Variants in TGIF1 observed in about 807,000 individuals in gnomAD.
The protein encoded by TGIF1 is homeobox protein TGIF1.
TGIF1 carries 4 observed loss-of-function variants against 19.3 expected under a neutral mutation model. The observed-to-expected ratio is 0.21, with a 90% CI of 0.10 to 0.47. TGIF1 has a LOEUF of 0.47. Ranked by LOEUF, TGIF1 falls within the 20% of genes least tolerant of loss-of-function variation. The pLI is 0.98. For synonymous variants in TGIF1, 122 were observed against 129.3 expected (o/e 0.94, Z 0.38); for missense variants, 275 against 341.4 (o/e 0.81, Z 1.53).
At chr18:3,428,276 G>A (rs551082064) in intron 2 of TGIF1, among the ~76,000 whole-genome samples, 21 of 152,244 alleles carry the variant, frequency 1.4e-4, no homozygotes, top group Middle Eastern at 3.4e-3. Flanking sequence ...TTACTATTCT[G>A]TGTGACCAAA....
chr18:3,417,013 CG>C (rs2082341450), intron 1 of TGIF1, among the ~76,000 whole-genome samples: 1 of 151,960 alleles, frequency 6.6e-6, no homozygotes, highest in Non-Finnish European at 1.5e-5. Flanking sequence ...AAATCTCACT[CG>C]GAATTTATCA....
intron 1 of TGIF1, among the ~76,000 whole-genome samples, chr18:3,452,573 T>G (rs1438218681): frequency 6.6e-6 from 1 of 151,992 alleles, no homozygotes; most frequent in Non-Finnish European, 1.5e-5. Context: ...CCTTTGCTTG[T>G]GCTAACTCGT....
At chr18:3,425,948 G>A (rs1451394830) in intron 2 of TGIF1, among the ~76,000 whole-genome samples, 6 of 152,072 alleles carry the variant, frequency 3.9e-5, no homozygotes, top group South Asian at 4.2e-4. Context: ...CAGGAAACCC[G>A]CACCATCCCC....
upstream of TGIF1, chr18:3,447,572 T>C (rs1003238208): frequency 3.8e-6 from 3 of 779,520 alleles, no homozygotes; most frequent in African/African-American, 5.1e-5. Flanking sequence ...CTTCCCAGAA[T>C]GCACCAAGAA....
intron 2 of TGIF1, among the ~76,000 whole-genome samples, chr18:3,423,880 C>T (rs2082437881): frequency 6.6e-6 from 1 of 152,018 alleles, no homozygotes; most frequent in Non-Finnish European, 1.5e-5. Flanking sequence ...AAAAAAGGCA[C>T]ACCTGCCCTC....
chr18:3,452,292 C>T, intron 1 of TGIF1: 1 of 1,611,846 alleles, frequency 6.2e-7, no homozygotes, highest in Non-Finnish European at 8.5e-7. Context: ...GGCTGGGCCC[C>T]GCCGGCCGCA....
chr18:3,452,099 C>A (rs373318303), intron 1 of TGIF1: 1 of 1,613,900 alleles, frequency 6.2e-7, no homozygotes, highest in Non-Finnish European at 8.5e-7. Flanking sequence ...ATCCCCAGTG[C>A]TCCTTTTCCA....
Position 3,457,862 on chromosome 18 carries a change from C to A in TGIF1, c.741C>A (p.Phe247Leu). ...CTCCACCGGACCTCAACCAGGACTT[C>A]AGTGGATTTCAGCTTCTAGTGGATG... Reference protein sequence around the residue: ...PPTPPDLNQDFSGFQLLVDVA... With the variant: ...PPTPPDLNQDLSGFQLLVDVA... The change falls in exon 3 of 3, where the codon TTC (phenylalanine) becomes TTA (leucine). Residue 247 changes from phenylalanine to leucine, a missense_variant. Coordinates refer to ENST00000343820, the MANE Select transcript of TGIF1 (RefSeq NM_003244.4). This position sits in a 1 kb window ranked among gnomAD's most constrained non-coding sequence, Gnocchi z 4.9. 6.2e-7 allele frequency: 1 copy of A among 1,607,310 alleles called. No individual in the cohort carries two copies. The highest frequency in any genetic ancestry group is 1.7e-5 in the Admixed American group (1 of 60,018).
At chr18:3,430,073 T>A (rs2082527451) in intron 2 of TGIF1, among the ~76,000 whole-genome samples, 1 of 152,184 alleles carries the variant, frequency 6.6e-6, no homozygotes, top group Non-Finnish European at 1.5e-5. Flanking sequence ...GGAGAATTGC[T>A]TGAAATTGGG....
chr18:3,438,456 T>G (rs1046414768), intron 2 of TGIF1, among the ~76,000 whole-genome samples: 1 of 152,058 alleles, frequency 6.6e-6, no homozygotes, highest in African/African-American at 2.4e-5. Flanking sequence ...GAATGTTATG[T>G]TTTAAAACTT....
intron 1 of TGIF1, among the ~76,000 whole-genome samples, chr18:3,416,995 A>G (rs1384409810): frequency 6.6e-6 from 1 of 152,186 alleles, no homozygotes; most frequent in African/African-American, 2.4e-5. Context: ...TACTCTTTTT[A>G]AAAAAAGAAA....
chr18:3,438,628 C>T (rs958505752), intron 2 of TGIF1, among the ~76,000 whole-genome samples: 12 of 151,210 alleles, frequency 7.9e-5, no homozygotes, highest in Admixed American at 2.0e-4. Flanking sequence ...CACACACACA[C>T]GAGAAGGAAA....
At chr18:3,422,360 C>T (rs753956405) in intron 2 of TGIF1, among the ~76,000 whole-genome samples, 3 of 137,260 alleles carry the variant, frequency 2.2e-5, no homozygotes, top group African/African-American at 5.3e-5. Flanking sequence ...ACATGAAGAA[C>T]GAATACATTT....
upstream of TGIF1, chr18:3,447,620 G>T (rs1216583545): frequency 3.4e-5 from 38 of 1,109,900 alleles, no homozygotes; most frequent in Non-Finnish European, 4.9e-5. Context: ...AGCGTTGGCT[G>T]GGGGGAGGCA....
rs747833883 is a variant in TGIF1 at position 3,452,306 on chromosome 18, G to T, written c.16+1801G>T. 61 of 1,612,878 alleles carry T rather than the reference G, an allele frequency of 3.8e-5. No individual in the cohort carries two copies. In the South Asian group the frequency reaches 6.6e-4, roughly 17 times the overall value. On this transcript the variant is annotated intron_variant, in intron 1 of 2. Transcript: ENST00000343820. Reference sequence around the variant, plus strand: ...AGGCTGGGCCCCGCCGGCCGCATCGGTGGGAACTTCCGCGGTCCCCATCCC... The same window carrying T: ...AGGCTGGGCCCCGCCGGCCGCATCGTTGGGAACTTCCGCGGTCCCCATCCC...
chr18:3,424,753 C>A (rs1005880010), intron 2 of TGIF1, among the ~76,000 whole-genome samples: 1 of 152,124 alleles, frequency 6.6e-6, no homozygotes, highest in Middle Eastern at 3.2e-3. Flanking sequence ...CTTAATGACC[C>A]CTCCATAAAA....
At chr18:3,448,072 G>GC (rs2082777882), upstream of TGIF1, 1 of 973,216 alleles carries the variant, frequency 1.0e-6, no homozygotes, top group African/African-American at 2.1e-5. Context: ...GCTAAAGCGG[G>GC]CGGGGGGGGA....
upstream of TGIF1, chr18:3,449,770 A>C (rs1326655414): frequency 4.1e-6 from 4 of 985,486 alleles, no homozygotes; most frequent in Non-Finnish European, 4.8e-6. Context: ...GTCAAAAACG[A>C]GACGGGGAGG....
At chr18:3,441,342 A>AG in intron 2 of TGIF1, among the ~76,000 whole-genome samples, 2 of 152,240 alleles carry the variant, frequency 1.3e-5, no homozygotes. Flanking sequence ...TGCTCTGGTT[A>AG]GAAAGGCCTT....
Sources: gnomAD v4.1 joint callset for allele counts (sites outside exome capture counted in the v4.1 genomes callset) on GRCh38, gnomAD v4.1.1 for gene constraint, Gnocchi (gnomAD v3.1) non-coding constraint, MANE v1.5 for transcripts, NCBI Gene and HGNC (gene_info 2026-07-23, HGNC 2026-07-21) for gene names.